Variants in CHORDC1 observed in about 807,000 individuals in gnomAD.
CHORDC1 encodes cysteine and histidine rich domain containing 1.
CHORDC1 carries 25 observed loss-of-function variants against 48.3 expected under a neutral mutation model. That is an observed-to-expected ratio of 0.52 (90% confidence interval 0.38 to 0.72). CHORDC1 has a LOEUF of 0.72. Among genes scored for constraint, CHORDC1 ranks in the 30% least tolerant of loss-of-function variants. The pLI, the probability that CHORDC1 is intolerant of heterozygous loss-of-function variation, is 0.00. For missense variants in CHORDC1, 317 were observed against 388.7 expected (o/e 0.82, Z 1.55); for synonymous variants, 128 against 126.4 (o/e 1.01, Z -0.09).
At chr11:90,215,934 C>T (rs1373901271) in intron 2 of CHORDC1, among the ~76,000 whole-genome samples, 2 of 152,052 alleles carry the variant, frequency 1.3e-5, no homozygotes, top group Admixed American at 1.3e-4. Context: ...TAAGATGCAA[C>T]TTTGCACACA....
At chr11:90,209,926 C>A (rs1326057514) in intron 6 of CHORDC1, among the ~76,000 whole-genome samples, 1 of 152,186 alleles carries the variant, frequency 6.6e-6, no homozygotes, top group Non-Finnish European at 1.5e-5. Context: ...AATACCTCAT[C>A]ATGGCTTAAA....
rs1756605879 is a variant in CHORDC1 at position 90,206,191 on chromosome 11, G to A, written c.563+11C>T. ...ACCATAAACTATTTTAATAAGTCAT[G>A]CATAAGTTACCCCTCATGGAAAATA... On this transcript the variant is annotated intron_variant, in intron 7 of 10. Coordinates refer to ENST00000320585, the MANE Select transcript of CHORDC1 (RefSeq NM_012124.3). 7.0e-7 allele frequency: 1 copy of A among 1,419,800 alleles called. No individual in the cohort carries two copies. The highest frequency in any genetic ancestry group is 1.0e-6 in the Non-Finnish European group (1 of 1,003,988). 88.0% of individuals were successfully genotyped at this position (1,419,800 alleles called of 1,614,324 possible).
In CHORDC1 at chr11:90,215,188, A is replaced by C; in HGVS notation, c.157T>G (p.Phe53Val). 6.4e-7 allele frequency: 1 copy of C among 1,550,476 alleles called. No individual in the cohort carries two copies. Residue 53 changes from phenylalanine to valine, a missense_variant, in exon 3 of 11, where the codon TTC (phenylalanine) becomes GTC (valine). By Grantham distance (50) the Phe-to-Val change is conservative (BLOSUM62 -1). Coordinates refer to ENST00000320585, the MANE Select transcript of CHORDC1 (RefSeq NM_012124.3). ...CKRRTTDFSD[F>V]LSIVGCTKGR... Reference sequence around the variant, plus strand: ...TTAGTACTTACTACAATGCTTAAGAAATCAGAAAAATCAGTTGTTCTTCTC... The same window carrying C: ...TTAGTACTTACTACAATGCTTAAGACATCAGAAAAATCAGTTGTTCTTCTC...
rs537643989 is a variant in CHORDC1 at position 90,201,639 on chromosome 11, A to G, written c.*766T>C. The G allele has an allele frequency of 6.6e-6, 1 of 152,442 alleles. No individual in the cohort carries two copies. Among genetic ancestry groups the G allele is most frequent in the African/African-American group, 2.4e-5 (1 of 41,440 alleles). 9.4% of individuals were successfully genotyped at this position (152,442 alleles called of 1,614,324 possible). ...AAGGTTTTAAGAGGGCTTAGTCTCT[A>G]AATCAGTAACAATTAGTCATAACAC... On this transcript the variant is annotated 3_prime_UTR_variant, in exon 11 of 11. Transcript: ENST00000320585.
chr11:90,200,437 GAAAT>G lies in CHORDC1; in HGVS notation c.*1964_*1967del, dbSNP rs1857518695. Reference sequence around the variant, plus strand: ...AAAAAAGACAAAGCAAATTTCTAGAGAAATAAATCAATAAGCACTTTTTATTAAC... The same window carrying G: ...AAAAAAGACAAAGCAAATTTCTAGAGAAATCAATAAGCACTTTTTATTAAC... On this transcript the variant is annotated 3_prime_UTR_variant, in exon 11 of 11. Coordinates refer to ENST00000320585, the MANE Select transcript of CHORDC1 (RefSeq NM_012124.3). Among the ~76,000 whole-genome samples the G allele has an allele frequency of 6.6e-6, 1 of 152,016 alleles. No homozygotes were observed. The highest frequency in any genetic ancestry group is 1.9e-4 in the East Asian group (1 of 5,176).
chr11:90,202,171 C>G lies in CHORDC1; in HGVS notation c.*234G>C, dbSNP rs1857556814. ...TTCCAGCCTCTTCAAGTATAGGACA[C>G]AACTATGGTTCCTACCAGTAGGGAG... On this transcript the variant is annotated 3_prime_UTR_variant, in exon 11 of 11. Coordinates refer to ENST00000320585, the MANE Select transcript of CHORDC1 (RefSeq NM_012124.3). 3 of 472,628 alleles carry G rather than the reference C, an allele frequency of 6.3e-6. No individual in the cohort carries two copies. The highest frequency in any genetic ancestry group is 1.1e-5 in the Non-Finnish European group (3 of 266,778). 29.3% of individuals were successfully genotyped at this position (472,628 alleles called of 1,614,324 possible). A position where few individuals can be genotyped will look rare whatever the true frequency, so the allele number is the denominator to read the frequency against.
chr11:90,218,300 T>TA, intron 1 of CHORDC1, 116 bp from the exon 2 acceptor site: 1 of 668,038 alleles, frequency 1.5e-6, no homozygotes, highest in Non-Finnish European at 2.5e-6. Flanking sequence ...GCAAGTACCT[T>TA]AAAAAGGTAC....
At chr11:90,218,036 A>T in intron 2 of CHORDC1, 99 bp downstream of exon 2, 1 of 845,352 alleles carries the variant, frequency 1.2e-6, no homozygotes, top group Non-Finnish European at 1.8e-6. Context: ...TTAAGAAGAA[A>T]GTCACTAGCT....
At chr11:90,220,642 G>A (rs1019633747) in intron 1 of CHORDC1, among the ~76,000 whole-genome samples, 1 of 152,146 alleles carries the variant, frequency 6.6e-6, no homozygotes, top group Non-Finnish European at 1.5e-5. Flanking sequence ...GAAAGCCACT[G>A]CTTTCAAAAA....
chr11:90,207,933 A>G (rs1857748578), intron 6 of CHORDC1: 1 of 152,132 alleles, frequency 6.6e-6, no homozygotes, highest in African/African-American at 2.4e-5. Context: ...GGCATACCTA[A>G]TCCAAAATCT....
At chr11:90,212,737 A>G (rs183617381) in intron 4 of CHORDC1, 6 of 152,242 alleles carry the variant, frequency 3.9e-5, no homozygotes, top group Admixed American at 3.3e-4. Context: ...GTCAATCTCA[A>G]GATCCTCCTG....
intron 2 of CHORDC1, chr11:90,217,848 G>A (rs191056853): frequency 3.2e-4 from 58 of 182,434 alleles, no homozygotes; most frequent in African/African-American, 1.4e-3. Flanking sequence ...AGTGAGCTGA[G>A]ATCGCACCAC....
At position 90,218,190 on chromosome 11, in the gene CHORDC1, GA is replaced by G. The variant is rs752231199; in HGVS notation, c.65-7del. The G allele has an allele frequency of 1.3e-6, 2 of 1,510,864 alleles. No homozygotes were observed. The highest frequency in any genetic ancestry group is 1.8e-6 in the Non-Finnish European group (2 of 1,136,418). The allele number at this position is 1,510,864 out of a possible 1,614,324, so 93.6% of individuals were successfully genotyped here. A position where few individuals can be genotyped will look rare whatever the true frequency, so the allele number is the denominator to read the frequency against. On this transcript the variant is annotated splice_polypyrimidine_tract_variant and splice_region_variant and intron_variant, in intron 1 of 10. Transcript: ENST00000320585. ...TGGGTGGTATGTGCAAGCATCTGGA[GA>G]AAACAGAGAAAAAAAAAAAAGTACC...
chr11:90,205,195 G>A (rs185556093), intron 8 of CHORDC1, among the ~76,000 whole-genome samples: 1 of 152,138 alleles, frequency 6.6e-6, no homozygotes, highest in African/African-American at 2.4e-5. Context: ...AATTAAAGAA[G>A]ACAAAAATTC....
chr11:90,205,181 T>C (rs1857645336), intron 8 of CHORDC1, among the ~76,000 whole-genome samples: 1 of 152,152 alleles, frequency 6.6e-6, no homozygotes, highest in African/African-American at 2.4e-5. Flanking sequence ...GAGCTAATTT[T>C]ATTAATTAAA....
rs1367303599 is a variant in CHORDC1 at position 90,202,297 on chromosome 11, C to T, written c.*108G>A. ...GAACCTAATGTTAACCCTGAAATGCCACATTCAGTAACACAACAACAAAAC... is the reference window on the plus strand; with the variant it reads ...GAACCTAATGTTAACCCTGAAATGCTACATTCAGTAACACAACAACAAAAC... On this transcript the variant is annotated 3_prime_UTR_variant, in exon 11 of 11. Transcript: ENST00000320585. 1 of 1,065,442 alleles carries T rather than the reference C, an allele frequency of 9.4e-7. No homozygotes were observed. The highest frequency in any genetic ancestry group is 1.4e-6 in the Non-Finnish European group (1 of 724,914). The allele number at this position is 1,065,442 out of a possible 1,614,324, so 66.0% of individuals were successfully genotyped here.
chr11:90,204,287 A>G (rs1857612360), intron 8 of CHORDC1, among the ~76,000 whole-genome samples: 1 of 152,140 alleles, frequency 6.6e-6, no homozygotes, highest in South Asian at 2.1e-4. Context: ...ACAACATTTT[A>G]TTTTTTCAAA....
chr11:90,210,894 A>C (rs1857841755), intron 5 of CHORDC1: 1 of 339,704 alleles, frequency 2.9e-6, no homozygotes, highest in African/African-American at 2.1e-5. Flanking sequence ...AAAGTCAGAG[A>C]ATAGTGAATA....
At position 90,211,312 on chromosome 11, in the gene CHORDC1, A is replaced by C. The variant is rs1015923673; in HGVS notation, c.336T>G (p.Asp112Glu). The C allele has an allele frequency of 3.1e-6, 5 of 1,602,424 alleles. No individual in the cohort carries two copies. In the African/African-American group the frequency reaches 6.7e-5, roughly 21 times the overall value. ...PVEAIKRPSPDEPMTNLELKI... is the reference protein window; with the variant it reads ...PVEAIKRPSPEEPMTNLELKI... ...TTAATTCCAAATTTGTCATTGGTTC[A>C]TCTGGGCTGGAGAATTTTGAAACCT... The change falls in exon 5 of 11, where the codon GAT (aspartate) becomes GAG (glutamate). Residue 112 changes from aspartate to glutamate, a missense_variant. Coordinates refer to ENST00000320585, the MANE Select transcript of CHORDC1 (RefSeq NM_012124.3).
Sources: allele counts gnomAD v4.1 joint callset (sites outside exome capture counted in the v4.1 genomes callset), GRCh38; gene constraint gnomAD v4.1.1; transcripts MANE v1.5; gene names NCBI Gene and HGNC (gene_info 2026-07-23, HGNC 2026-07-21).